ADGRL3: variants seen among roughly 807,000 people sequenced by gnomAD.
The protein encoded by ADGRL3 is adhesion G protein-coupled receptor L3.
In ADGRL3, 62 loss-of-function variants were observed where a neutral mutation model predicts 153.5. That is an observed-to-expected ratio of 0.40 (90% CI 0.33 to 0.50). ADGRL3 has a LOEUF of 0.50. Among genes scored for constraint, ADGRL3 ranks in the 20% least tolerant of loss-of-function variants. The pLI is 0.47. For synonymous variants in ADGRL3, 710 were observed against 672.5 expected, an observed-to-expected ratio of 1.06 and a Z score of -0.86; for missense variants, 1,641 against 1,859.4, an observed-to-expected ratio of 0.88 and a Z score of 2.16.
chr4:61,750,292 G>C (rs896553449), intron 8 of ADGRL3, among the ~76,000 whole-genome samples: 5 of 151,700 alleles, frequency 3.3e-5, no homozygotes, highest in African/African-American at 1.2e-4. Context: ...TCATGCAAAG[G>C]CAGCATCATA....
intron 4 of ADGRL3, among the ~76,000 whole-genome samples, chr4:61,582,798 A>G (rs2098931418): frequency 6.6e-6 from 1 of 151,996 alleles, no homozygotes; most frequent in Non-Finnish European, 1.5e-5. Context: ...CCTTGAATAG[A>G]TATGAAATGA....
At chr4:61,301,032 G>A (rs919967995) in intron 1 of ADGRL3, among the ~76,000 whole-genome samples, 48 of 152,090 alleles carry the variant, frequency 3.2e-4, no homozygotes, top group African/African-American at 1.1e-3. Context: ...GGAAGTGCTG[G>A]AATTACAGGC....
intron 8 of ADGRL3, among the ~76,000 whole-genome samples, chr4:61,759,048 A>C (rs916340148): frequency 5.3e-5 from 8 of 152,090 alleles, no homozygotes; most frequent in African/African-American, 1.7e-4. Flanking sequence ...CCGAGAGATC[A>C]GCTGTTAGTC....
At chr4:61,774,608 G>A (rs1580761477) in intron 8 of ADGRL3, among the ~76,000 whole-genome samples, 2 of 151,836 alleles carry the variant, frequency 1.3e-5, no homozygotes, top group South Asian at 2.1e-4. Flanking sequence ...GAAAATCCCC[G>A]AGAAGATCAG....
At chr4:61,644,816 C>T (rs1580051438) in intron 5 of ADGRL3, among the ~76,000 whole-genome samples, 1 of 152,192 alleles carries the variant, frequency 6.6e-6, no homozygotes, top group East Asian at 1.9e-4. Flanking sequence ...TGGTATAGAG[C>T]TGAGTTCAAT....
chr4:61,732,803 G>T lies in ADGRL3; in HGVS notation c.648G>T (p.Leu216Phe). 1 of 1,601,224 alleles carries T rather than the reference G, an allele frequency of 6.2e-7. No individual in the cohort carries two copies. The highest frequency in any genetic ancestry group is 8.5e-7 in the Non-Finnish European group (1 of 1,173,684). Residue 216 changes from leucine (L) to phenylalanine (F), a missense_variant, in exon 8 of 27, where the codon TTG becomes TTT. By Grantham distance (22) the Leu-to-Phe change is conservative. Transcript: ENST00000683033. ...AAGGAGTATACCAGAGTGAACATTTGTTTGAGTCCGACCACCAATCTGGGG... is the reference window on the plus strand; with the variant it reads ...AAGGAGTATACCAGAGTGAACATTTTTTTGAGTCCGACCACCAATCTGGGG... Reference protein sequence around the residue: ...LLKGVYQSEHLFESDHQSGAW... With the variant: ...LLKGVYQSEHFFESDHQSGAW...
intron 4 of ADGRL3, among the ~76,000 whole-genome samples, chr4:61,568,766 C>G (rs867546504): frequency 2.6e-5 from 4 of 152,102 alleles, no homozygotes; most frequent in Non-Finnish European, 5.9e-5. Context: ...CCATTTGCTT[C>G]TATAAAGCAT....
intron 25 of ADGRL3, among the ~76,000 whole-genome samples, chr4:62,046,098 A>G (rs958555402): frequency 6.6e-6 from 1 of 151,846 alleles, no homozygotes; most frequent in African/African-American, 2.4e-5. Context: ...AAACAATTCC[A>G]TATATAAGAA....
chr4:61,478,954 G>C (rs1181714112), intron 2 of ADGRL3, among the ~76,000 whole-genome samples: 1 of 151,970 alleles, frequency 6.6e-6, no homozygotes, highest in Non-Finnish European at 1.5e-5. Context: ...GTTTCTTTCT[G>C]TAATGTGGGT....
chr4:61,313,459 A>G (rs2095090109), intron 1 of ADGRL3, among the ~76,000 whole-genome samples: 1 of 152,200 alleles, frequency 6.6e-6, no homozygotes, highest in African/African-American at 2.4e-5. Flanking sequence ...AAAAATATTA[A>G]TAGAGGGAAC....
intron 4 of ADGRL3, among the ~76,000 whole-genome samples, chr4:61,574,875 T>C (rs1027760428): frequency 9.9e-5 from 15 of 151,942 alleles, no homozygotes; most frequent in Non-Finnish European, 1.9e-4. Flanking sequence ...GGCTAATTTA[T>C]ATGAGAAAAT....
chr4:62,070,122 C>A lies in ADGRL3; in HGVS notation c.3846C>A (p.Asn1282Lys). Residue 1282 changes from asparagine (N) to lysine (K), a missense_variant, in exon 27 of 27, where the codon AAC becomes AAA. By Grantham distance (94) the Asn-to-Lys change is moderately conservative (BLOSUM62 0). Coordinates refer to ENST00000683033, the MANE Select transcript of ADGRL3 (RefSeq NM_001387552.1). Reference sequence around the variant, plus strand: ...AATCTTTTTCAGAGGGGCTTCTGAACAATGCCAGGGATACAAGTGTCATGG... The same window carrying A: ...AATCTTTTTCAGAGGGGCTTCTGAAAAATGCCAGGGATACAAGTGTCATGG... ...EPYRETKGLLNNARDTSVMDT... is the reference protein window; with the variant it reads ...EPYRETKGLLKNARDTSVMDT... The A allele has an allele frequency of 1.2e-6, 2 of 1,612,844 alleles. No homozygotes were observed. The highest frequency in any genetic ancestry group is 1.7e-6 in the Non-Finnish European group (2 of 1,179,168).
intron 4 of ADGRL3, among the ~76,000 whole-genome samples, chr4:61,547,710 A>G (rs2098720501): frequency 6.6e-6 from 1 of 152,140 alleles, no homozygotes; most frequent in South Asian, 2.1e-4. Context: ...TGCTGCAGTG[A>G]ATATACACAT....
intron 9 of ADGRL3, among the ~76,000 whole-genome samples, chr4:61,855,398 G>C (rs2149206461): frequency 6.6e-6 from 1 of 152,216 alleles, no homozygotes; most frequent in South Asian, 2.1e-4. Flanking sequence ...TCTGGAAGCA[G>C]TCAAAGCTAG....
intron 6 of ADGRL3, among the ~76,000 whole-genome samples, chr4:61,696,570 C>T (rs2151222210): frequency 6.7e-6 from 1 of 149,952 alleles, no homozygotes; most frequent in South Asian, 2.2e-4. Flanking sequence ...CTACCTACCA[C>T]AAAAATCTTA....
intron 5 of ADGRL3, among the ~76,000 whole-genome samples, chr4:61,616,212 G>A (rs2055265): frequency 0.93 from 141,974 of 152,216 alleles, 66,535 homozygotes; most frequent in Middle Eastern, 0.99. Flanking sequence ...CTATGACTTA[G>A]GGATATGTTA....
intron 5 of ADGRL3, among the ~76,000 whole-genome samples, chr4:61,635,549 C>G (rs796137161): frequency 1.3e-5 from 2 of 152,020 alleles, no homozygotes; most frequent in East Asian, 1.9e-4. Flanking sequence ...AAAAATAGCT[C>G]TAGGCACTGA....
chr4:61,487,433 G>A (rs964370622), intron 2 of ADGRL3, among the ~76,000 whole-genome samples: 2 of 152,106 alleles, frequency 1.3e-5, no homozygotes, highest in Non-Finnish European at 2.9e-5. Context: ...GTCTGGCACA[G>A]TAAGGGCTTA....
chr4:61,564,783 C>T (rs1022992313), intron 4 of ADGRL3, among the ~76,000 whole-genome samples: 1 of 152,068 alleles, frequency 6.6e-6, no homozygotes, highest in Non-Finnish European at 1.5e-5. Context: ...TACCTAGAGG[C>T]CATTGTAGAT....
Sources: allele counts gnomAD v4.1 joint callset (sites outside exome capture counted in the v4.1 genomes callset), GRCh38; gene constraint gnomAD v4.1.1; transcripts MANE v1.5; gene names NCBI Gene and HGNC (gene_info 2026-07-23, HGNC 2026-07-21).